The following MTUS1 variants were observed in gnomAD, a reference collection of about 807,000 sequenced individuals.
MTUS1 encodes microtubule-associated tumor suppressor 1.
Under a neutral mutation model 120.8 loss-of-function variants are expected in MTUS1, and 109 were observed. The ratio of observed to expected loss-of-function variants is 0.90; its 90% CI spans 0.77 to 1.06. MTUS1 has a LOEUF of 1.06. Ranked by LOEUF, MTUS1 falls within the 50% of genes least tolerant of loss-of-function variation. MTUS1 has a pLI of 0.00. For synonymous variants in MTUS1, 737 were observed against 550.5 expected, an observed-to-expected ratio of 1.34 and a Z score of -4.74; for missense variants, 2,210 against 1,486.3, an observed-to-expected ratio of 1.49 and a Z score of -8.01.
At chr8:17,756,036 A>G in intron 1 of MTUS1, 75 bp from the exon 2 acceptor site, 2 of 859,106 alleles carry the variant, frequency 2.3e-6, no homozygotes, top group Non-Finnish European at 3.3e-6. Flanking sequence ...TCAATCACTA[A>G]GTGATTAGTT....
chr8:17,697,368 A>C, intron 6 of MTUS1: 5 of 1,614,018 alleles, frequency 3.1e-6, no homozygotes, highest in Non-Finnish European at 4.2e-6. Flanking sequence ...AATTTGGGAG[A>C]CAACAACATG....
chr8:17,722,071 G>C, intron 4 of MTUS1: 2 of 1,329,018 alleles, frequency 1.5e-6, no homozygotes, highest in Non-Finnish European at 1.9e-6. Context: ...AACTAAGAAA[G>C]AGACTCACTG....
intron 8 of MTUS1, among the ~76,000 whole-genome samples, chr8:17,664,868 A>G (rs12543990): frequency 0.061 from 9,285 of 152,174 alleles, 487 homozygotes; most frequent in East Asian, 0.24. Flanking sequence ...CCAAGAAGTC[A>G]TTTTTAAACA....
In MTUS1 at chr8:17,755,155, G is replaced by C. The variant is rs1363821101; in HGVS notation, c.653C>G (p.Ala218Gly). The C allele has an allele frequency of 6.2e-7, 1 of 1,614,108 alleles. No homozygotes were observed. Among genetic ancestry groups the C allele is most frequent in the Non-Finnish European group, 8.5e-7 (1 of 1,180,014 alleles). Residue 218 changes from alanine (A) to glycine (G), a missense_variant, in exon 2 of 15, where the codon GCA (alanine) becomes GGA (glycine). Physicochemically the swap from Ala to Gly is moderately conservative, Grantham distance 60 (BLOSUM62 0). Coordinates refer to ENST00000693296, the MANE Select transcript of MTUS1 (RefSeq NM_001363059.2). ...TTCTCTATCATAAGTAGTTTCTCTT[G>C]CATGCGTCTTATCAGAATGGGAAGA... Reference protein sequence around the residue: ...WTSSHSDKTHARETTYDRESF... With the variant: ...WTSSHSDKTHGRETTYDRESF...
At chr8:17,790,610 C>G (rs962770476) in intron 1 of MTUS1, among the ~76,000 whole-genome samples, 1 of 152,178 alleles carries the variant, frequency 6.6e-6, no homozygotes, top group Non-Finnish European at 1.5e-5. Flanking sequence ...ATTTAACATT[C>G]GGCTTTACGT....
intron 1 of MTUS1, chr8:17,758,244 C>A (rs771000265): frequency 6.6e-6 from 1 of 152,148 alleles, no homozygotes; most frequent in African/African-American, 2.4e-5. Flanking sequence ...AAAACTGAAA[C>A]GATCAGTTTT....
At chr8:17,682,733 A>G (rs1329583109) in intron 7 of MTUS1, among the ~76,000 whole-genome samples, 1 of 152,140 alleles carries the variant, frequency 6.6e-6, no homozygotes. Context: ...ATAAAATAAA[A>G]TAATTGGTTT....
chr8:17,787,908 TAAGGAGTTC>T (rs1424792209), intron 1 of MTUS1, among the ~76,000 whole-genome samples: 1 of 152,048 alleles, frequency 6.6e-6, no homozygotes, highest in East Asian at 1.9e-4. Context: ...ATCACCTGAG[TAAGGAGTTC>T]AAGACCAGCC....
At chr8:17,723,409 C>G (rs2045973427) in intron 4 of MTUS1, 1 of 502,062 alleles carries the variant, frequency 2.0e-6, no homozygotes, top group Admixed American at 3.2e-5. Flanking sequence ...TGGGTTGCTA[C>G]TCTTAAACCT....
intron 6 of MTUS1, among the ~76,000 whole-genome samples, chr8:17,694,985 C>A (rs1215800669): frequency 4.6e-5 from 7 of 152,126 alleles, no homozygotes; most frequent in Non-Finnish European, 8.8e-5. Context: ...ATCAAGGCTA[C>A]AATCCAGGCC....
rs554121903 is a variant in MTUS1, at chr8:17,654,522, G to C, written c.3214+39C>G. ...CTTAAAACATCATGTGGTTCCTTCA[G>C]ATTTTATTCTGTTTAAAGAGGAAAA... On this transcript the variant is annotated intron_variant, in intron 10 of 14. Transcript: ENST00000693296. 1.1e-5 allele frequency: 15 copies of C among 1,307,078 alleles called. No homozygotes were observed. In the South Asian group the frequency reaches 1.4e-4, roughly 12 times the overall value. The allele number at this position is 1,307,078 out of a possible 1,614,324, so 81.0% of individuals were successfully genotyped here.
intron 8 of MTUS1, among the ~76,000 whole-genome samples, chr8:17,666,174 G>A (rs1484489409): frequency 2.7e-5 from 4 of 149,734 alleles, no homozygotes; most frequent in African/African-American, 7.4e-5. Context: ...AAAGTGGGTT[G>A]GAGGCGAGAG....
At chr8:17,724,451 C>T (rs180842721) in intron 3 of MTUS1, among the ~76,000 whole-genome samples, 17 of 152,120 alleles carry the variant, frequency 1.1e-4, no homozygotes, top group African/African-American at 3.4e-4. Flanking sequence ...TGAAAAATGC[C>T]TAATGTTCTA....
In MTUS1 at chr8:17,653,193, G is replaced by T. The variant is rs367890801; in HGVS notation, c.3377C>A (p.Ala1126Glu). 2 of 1,531,866 alleles carry T rather than the reference G, an allele frequency of 1.3e-6. No homozygotes were observed. Among genetic ancestry groups the T allele is most frequent in the African/African-American group, 2.8e-5 (2 of 71,670 alleles). The allele number at this position is 1,531,866 out of a possible 1,614,324, so 94.9% of individuals were successfully genotyped here. ...EEQKRRAREK[A>E]NLKNPQIMYL... ...GGAGCACACACAACTTACCAAATTT[G>T]CTTTTTCTCTTGCTCTTCTTTTTTG... The change falls in exon 12 of 15, where the codon GCA (alanine) becomes GAA (glutamate). Residue 1126 changes from alanine to glutamate, a missense_variant. By Grantham distance (107) the Ala-to-Glu change is moderately radical. Coordinates refer to ENST00000693296, the MANE Select transcript of MTUS1 (RefSeq NM_001363059.2).
chr8:17,722,659 A>C (rs1387275491), intron 4 of MTUS1: 1 of 678,346 alleles, frequency 1.5e-6, no homozygotes, highest in African/African-American at 2.0e-5. Flanking sequence ...TCTACAAAAA[A>C]TGCATTCTCA....
intron 8 of MTUS1, among the ~76,000 whole-genome samples, chr8:17,670,738 G>C (rs1435687153): frequency 1.3e-5 from 2 of 152,058 alleles, no homozygotes; most frequent in African/African-American, 4.8e-5. Context: ...CAGGAGAACT[G>C]CTTGAACCCG....
At chr8:17,768,574 C>A (rs921904628) in intron 1 of MTUS1, among the ~76,000 whole-genome samples, 4 of 151,942 alleles carry the variant, frequency 2.6e-5, no homozygotes, top group African/African-American at 9.7e-5. Context: ...AATATATCAC[C>A]CCCTTTCCCT....
chr8:17,722,805 AAG>A (rs1425760407), intron 4 of MTUS1, among the ~76,000 whole-genome samples: 2 of 152,232 alleles, frequency 1.3e-5, no homozygotes, highest in East Asian at 3.9e-4. Context: ...GGACATCCTA[AAG>A]TACTGCTCCA....
At chr8:17,723,443 A>G in intron 4 of MTUS1, 1 of 576,802 alleles carries the variant, frequency 1.7e-6, no homozygotes, top group Non-Finnish European at 3.2e-6. Flanking sequence ...ACTTCAGACG[A>G]TGCACTTTCG....
Sources: gnomAD v4.1 joint callset for allele counts (sites outside exome capture counted in the v4.1 genomes callset) on GRCh38, gnomAD v4.1.1 for gene constraint, MANE v1.5 for transcripts, NCBI Gene and HGNC (gene_info 2026-07-23, HGNC 2026-07-21) for gene names.